PM20D2: variants seen among roughly 807,000 people sequenced by gnomAD.
PM20D2 encodes the protein xaa-Arg dipeptidase.
PM20D2 carries 33 observed loss-of-function variants against 42.9 expected under a neutral mutation model. The observed-to-expected ratio is 0.77, with a 90% confidence interval of 0.58 to 1.03. PM20D2 has a LOEUF of 1.03. PM20D2 is among the 50% of genes least tolerant of loss of function. The pLI is 0.00. For missense variants in PM20D2, 548 were observed against 557.0 expected (o/e 0.98, Z 0.16); for synonymous variants, 250 against 228.2 (o/e 1.10, Z -0.86).
intron 1 of PM20D2, among the ~76,000 whole-genome samples, chr6:89,147,614 T>C (rs1321685752): frequency 2.6e-5 from 4 of 151,894 alleles, no homozygotes; most frequent in South Asian, 2.1e-4. Flanking sequence ...GAGAGACATA[T>C]CGTATTTAAT....
the PM20D2 span, among the ~76,000 whole-genome samples, chr6:89,127,885 C>T: frequency 3.9e-5 from 6 of 152,168 alleles, no homozygotes; most frequent in African/African-American, 1.4e-4. Flanking sequence ...TTTATCAATT[C>T]CCAAATAATA....
chr6:89,098,057 A>C, the PM20D2 span: 1 of 152,862 alleles, frequency 6.5e-6, no homozygotes, highest in African/African-American at 2.4e-5. Context: ...ATCTCTATAT[A>C]TATTCTACTT....
the PM20D2 span, among the ~76,000 whole-genome samples, chr6:89,137,183 G>A: frequency 6.9e-6 from 1 of 144,874 alleles, no homozygotes; most frequent in Non-Finnish European, 1.5e-5. Flanking sequence ...AAAATATACA[G>A]TGAAGCTAAT....
the PM20D2 span, among the ~76,000 whole-genome samples, chr6:89,131,095 G>A: frequency 6.6e-6 from 1 of 152,098 alleles, no homozygotes; most frequent in Non-Finnish European, 1.5e-5. Context: ...AGAGTCCCAA[G>A]GTGGTATCAC....
At position 89,163,319 on chromosome 6, in the gene PM20D2, A is replaced by G. The variant is rs374545911; in HGVS notation, c.*1056A>G. 9.8e-5 allele frequency: 15 copies of G among 152,318 alleles called. 2 individuals are homozygous for G. Among genetic ancestry groups the G allele is most frequent in the Admixed American group, 3.9e-4 (6 of 15,300 alleles). 9.4% of individuals were successfully genotyped at this position (152,318 alleles called of 1,614,324 possible). ...ACTTACTACTTTGCTTCAGGTACAC[A>G]TAAGAAAACCTCTTTTTTAAAAAAA... On this transcript the variant is annotated 3_prime_UTR_variant, in exon 7 of 7. Coordinates refer to ENST00000275072, the MANE Select transcript of PM20D2 (RefSeq NM_001010853.3).
chr6:89,117,688 A>G, the PM20D2 span: 1 of 842,888 alleles, frequency 1.2e-6, no homozygotes, highest in Non-Finnish European at 1.7e-6. Flanking sequence ...CACCTCCCCA[A>G]GTGGCGCAGC....
rs1003967914 is a variant in PM20D2, at chr6:89,164,016, A to G, written c.*1753A>G. On this transcript the variant is annotated 3_prime_UTR_variant, in exon 7 of 7. Transcript: ENST00000275072. ...TGGTACTATGAATTACTAAATTGCTATATACCATGTAATAGTGAGTATAGC... is the reference window on the plus strand; with the variant it reads ...TGGTACTATGAATTACTAAATTGCTGTATACCATGTAATAGTGAGTATAGC... The G allele has an allele frequency of 1.3e-5, 2 of 152,158 alleles. No individual in the cohort carries two copies. Among genetic ancestry groups the G allele is most frequent in the African/African-American group, 2.4e-5 (1 of 41,436 alleles). 9.4% of individuals were successfully genotyped at this position (152,158 alleles called of 1,614,324 possible). A position where few individuals can be genotyped will look rare whatever the true frequency, so the allele number is the denominator to read the frequency against.
At chr6:89,126,872 A>G in the PM20D2 span, among the ~76,000 whole-genome samples, 1 of 152,138 alleles carries the variant, frequency 6.6e-6, no homozygotes, top group Non-Finnish European at 1.5e-5. Flanking sequence ...AACCTAAAAT[A>G]TCTTGTCATA....
the PM20D2 span, chr6:89,097,386 A>T: frequency 1.3e-5 from 2 of 152,350 alleles, no homozygotes; most frequent in South Asian, 2.1e-4. Context: ...CAAAGAAATT[A>T]TTAGTTATAA....
Position 89,146,533 on chromosome 6 carries a change from C to G in PM20D2, c.389C>G (p.Ala130Gly). Residue 130 changes from alanine to glycine, a missense_variant, in exon 1 of 7, where the codon GCT (alanine) becomes GGT (glycine). Physicochemically the swap from Ala to Gly is moderately conservative, Grantham distance 60. Transcript: ENST00000275072. ...IGHACGHNLI[A>G]EVGAAAALGV... Reference sequence around the variant, plus strand: ...CACGCCTGCGGCCACAACCTCATCGCTGAGGTCGGGGCGGCGGCCGCGCTG... The same window carrying G: ...CACGCCTGCGGCCACAACCTCATCGGTGAGGTCGGGGCGGCGGCCGCGCTG... The G allele has an allele frequency of 6.6e-7, 1 of 1,509,646 alleles. No individual in the cohort carries two copies. Among genetic ancestry groups the G allele is most frequent in the Non-Finnish European group, 8.8e-7 (1 of 1,136,438 alleles). The allele number at this position is 1,509,646 out of a possible 1,614,324, so 93.5% of individuals were successfully genotyped here. A position where few individuals can be genotyped will look rare whatever the true frequency, so the allele number is the denominator to read the frequency against.
the PM20D2 span, among the ~76,000 whole-genome samples, chr6:89,109,089 CA>C: frequency 6.6e-6 from 1 of 152,152 alleles, no homozygotes. Context: ...ACAAGAAAAA[CA>C]CAATTCCTGC....
At chr6:89,102,906 G>A in the PM20D2 span, among the ~76,000 whole-genome samples, 1 of 152,066 alleles carries the variant, frequency 6.6e-6, no homozygotes, top group Admixed American at 6.6e-5. Flanking sequence ...GCTGGAACAG[G>A]TGTGTGCCAC....
the PM20D2 span, among the ~76,000 whole-genome samples, chr6:89,135,169 AG>A: frequency 6.6e-6 from 1 of 151,360 alleles, no homozygotes; most frequent in Non-Finnish European, 1.5e-5. Context: ...AAATTTGTAA[AG>A]ATCACAAAAT....
In PM20D2 at chr6:89,149,282, C is replaced by A; in HGVS notation, c.483C>A (p.Thr161=). Reference sequence around the variant, plus strand: ...CCTTCTAGGTAGTTGTCCTGGGAACCCCTGCAGAAGAAGATGGTGGTGGCA... The same window carrying A: ...CCTTCTAGGTAGTTGTCCTGGGAACACCTGCAGAAGAAGATGGTGGTGGCA... ...PPPVKVVVLG[T]PAEEDGGGKI... The change falls in exon 2 of 7, where the codon ACC becomes ACA. Residue 161 remains threonine, a synonymous_variant. Transcript: ENST00000275072. 2 of 1,613,708 alleles carry A rather than the reference C, an allele frequency of 1.2e-6. No homozygotes were observed. The highest frequency in any genetic ancestry group is 1.7e-6 in the Non-Finnish European group (2 of 1,179,868).
At chr6:89,149,497 C>A in intron 2 of PM20D2, 84 bp downstream of exon 2, 1 of 1,446,786 alleles carries the variant, frequency 6.9e-7, no homozygotes, top group Non-Finnish European at 9.3e-7. Context: ...ACGAAAACTC[C>A]ACATTTGTAT....
At chr6:89,106,878 A>C in the PM20D2 span, 3 of 472,208 alleles carry the variant, frequency 6.4e-6, no homozygotes, top group South Asian at 4.8e-5. Flanking sequence ...CCAGGTCTTT[A>C]TATCTGTGTC....
chr6:89,126,009 C>T, the PM20D2 span, among the ~76,000 whole-genome samples: 5 of 151,958 alleles, frequency 3.3e-5, no homozygotes, highest in Non-Finnish European at 7.4e-5. Flanking sequence ...TCACTTGAAC[C>T]TGGGAGGTGG....
intron 1 of PM20D2, 73 bp downstream of exon 1, chr6:89,146,682 T>G (rs1187408277): frequency 8.2e-7 from 1 of 1,221,856 alleles, no homozygotes; most frequent in East Asian, 3.1e-5. Flanking sequence ...GGCGGGACTC[T>G]CGTGCGTCCC....
the PM20D2 span, among the ~76,000 whole-genome samples, chr6:89,140,132 G>C: frequency 1.5e-5 from 2 of 132,892 alleles, no homozygotes; most frequent in South Asian, 2.2e-4. Flanking sequence ...TGTAGAGATG[G>C]GGGGGTGGTC....
Sources: gnomAD v4.1 joint callset for allele counts (sites outside exome capture counted in the v4.1 genomes callset) on GRCh38, gnomAD v4.1.1 for gene constraint, MANE v1.5 for transcripts, NCBI Gene and HGNC (gene_info 2026-07-23, HGNC 2026-07-21) for gene names.